Variants in ARHGEF18 observed in about 807,000 individuals in gnomAD.
ARHGEF18 encodes Rho/Rac guanine nucleotide exchange factor 18.
A neutral mutation model predicts 155.7 loss-of-function variants in ARHGEF18; 93 were observed. That is an observed-to-expected ratio of 0.60 (90% confidence interval 0.50 to 0.71). The LOEUF (loss-of-function observed/expected upper bound fraction) is 0.71, where lower values mean the gene tolerates loss of function less well. Among genes scored for constraint, ARHGEF18 ranks in the 30% least tolerant of loss-of-function variants. ARHGEF18 has a pLI of 0.00. For missense variants in ARHGEF18, 1,593 were observed against 1,816.1 expected (o/e 0.88, Z 2.23); for synonymous variants, 742 against 753.1 (o/e 0.99, Z 0.24).
chr19:7,437,690 C>T (rs994368346), intron 10 of ARHGEF18, among the ~76,000 whole-genome samples: 4 of 148,162 alleles, frequency 2.7e-5, no homozygotes, highest in African/African-American at 1.0e-4. Flanking sequence ...GTTGTTCAGG[C>T]TGGAGTGCGG....
chr19:7,361,991 G>C (rs66953087), intron 1 of ARHGEF18, among the ~76,000 whole-genome samples: 6,520 of 79,194 alleles, frequency 0.082, 830 homozygotes, highest in African/African-American at 0.28. Context: ...AAGACTCTGT[G>C]GAAGAAGAAG....
At chr19:7,362,478 G>T (rs1283428903) in intron 1 of ARHGEF18, among the ~76,000 whole-genome samples, 1 of 152,184 alleles carries the variant, frequency 6.6e-6, no homozygotes, top group Admixed American at 6.5e-5. Flanking sequence ...AGCCAACTTG[G>T]ATCACCTGGT....
At chr19:7,426,830 T>C (rs12461568) in intron 10 of ARHGEF18, among the ~76,000 whole-genome samples, 81,215 of 152,008 alleles carry the variant, frequency 0.53, 22,063 homozygotes, top group Middle Eastern at 0.74. Flanking sequence ...GGAGGAAAAG[T>C]GGCGTCGATT....
At chr19:7,382,525 AGG>A (rs1970798129) in intron 8 of ARHGEF18, among the ~76,000 whole-genome samples, 1 of 152,180 alleles carries the variant, frequency 6.6e-6, no homozygotes, top group East Asian at 1.9e-4. Flanking sequence ...CCAGGCATTG[AGG>A]GACCTCAAAC....
chr19:7,352,475 A>G (rs937393022), intron 1 of ARHGEF18, among the ~76,000 whole-genome samples: 24 of 149,172 alleles, frequency 1.6e-4, no homozygotes, highest in African/African-American at 6.0e-4. Flanking sequence ...TCAAATCAAC[A>G]ACTTGTTTGT....
At chr19:7,434,101 T>TA (rs1429508547) in intron 10 of ARHGEF18, among the ~76,000 whole-genome samples, 1 of 151,832 alleles carries the variant, frequency 6.6e-6, no homozygotes, top group African/African-American at 2.4e-5. Flanking sequence ...TGACACCTGT[T>TA]ACGAAAGCTT....
chr19:7,394,984 C>A, intron 10 of ARHGEF18: 2 of 925,868 alleles, frequency 2.2e-6, no homozygotes, highest in Non-Finnish European at 2.6e-6. Context: ...CGAGCCGACG[C>A]CCCCTCACCA....
chr19:7,364,462 C>T (rs904313642), intron 2 of ARHGEF18, among the ~76,000 whole-genome samples: 4 of 151,690 alleles, frequency 2.6e-5, no homozygotes, highest in African/African-American at 4.9e-5. Flanking sequence ...CCTAAGTTCC[C>T]GTCATGGCAG....
At chr19:7,436,411 T>G (rs1477396302) in intron 10 of ARHGEF18, among the ~76,000 whole-genome samples, 1 of 151,994 alleles carries the variant, frequency 6.6e-6, no homozygotes, top group Non-Finnish European at 1.5e-5. Context: ...TGAGTAGCTG[T>G]GATTACAGGT....
At chr19:7,358,271 TTCCATCCATCCA>T (rs144388403) in intron 1 of ARHGEF18, among the ~76,000 whole-genome samples, 1 of 133,334 alleles carries the variant, frequency 7.5e-6, no homozygotes, top group African/African-American at 3.0e-5. Context: ...CCATCCATTC[TTCCATCCATCCA>T]TCCATCCATC....
intron 20 of ARHGEF18, among the ~76,000 whole-genome samples, chr19:7,460,737 A>G (rs1976179920): frequency 6.6e-6 from 1 of 151,784 alleles, no homozygotes; most frequent in African/African-American, 2.4e-5. Flanking sequence ...GGTGCCCTGT[A>G]GCCTGCGGCA....
intron 2 of ARHGEF18, among the ~76,000 whole-genome samples, chr19:7,367,644 A>G (rs1969944522): frequency 6.7e-6 from 1 of 149,638 alleles, no homozygotes; most frequent in Admixed American, 6.8e-5. Context: ...TACTCGGGAG[A>G]CTGAGGCAGG....
At chr19:7,363,529 GAAGA>G (rs1176977531) in intron 2 of ARHGEF18, among the ~76,000 whole-genome samples, 1 of 151,780 alleles carries the variant, frequency 6.6e-6, no homozygotes, top group African/African-American at 2.4e-5. Context: ...TGGAAGGAAG[GAAGA>G]AAGATGAGAA....
intron 16 of ARHGEF18, among the ~76,000 whole-genome samples, chr19:7,452,201 C>G (rs1975524481): frequency 6.6e-6 from 1 of 152,184 alleles, no homozygotes; most frequent in African/African-American, 2.4e-5. Context: ...CCTGGTGGTT[C>G]AAACAGACCC....
chr19:7,467,426 C>T lies in ARHGEF18; in HGVS notation c.3222C>T (p.Arg1074=), dbSNP rs1377931318. The T allele has an allele frequency of 6.5e-7, 1 of 1,531,528 alleles. No homozygotes were observed. Among genetic ancestry groups the T allele is most frequent in the South Asian group, 1.2e-5 (1 of 83,878 alleles). 94.9% of individuals were successfully genotyped at this position (1,531,528 alleles called of 1,614,324 possible). A position where few individuals can be genotyped will look rare whatever the true frequency, so the allele number is the denominator to read the frequency against. ...RHEQQRWERE[R]QWQHQELERA... ...AGCAGCAGCGCTGGGAGCGCGAGCG[C>T]CAGTGGCAGCACCAGGAGCTGGAGC... The change falls in exon 26 of 29, where the codon CGC becomes CGT. Residue 1074 remains arginine, a synonymous_variant. Coordinates refer to ENST00000668164, the MANE Select transcript of ARHGEF18 (RefSeq NM_001367823.1).
chr19:7,444,054 C>G lies in ARHGEF18; in HGVS notation c.1361-150C>G. The G allele has an allele frequency of 9.8e-7, 1 of 1,018,116 alleles. No individual in the cohort carries two copies. Among genetic ancestry groups the G allele is most frequent in the Non-Finnish European group, 1.4e-6 (1 of 705,904 alleles). The allele number at this position is 1,018,116 out of a possible 1,614,324, so 63.1% of individuals were successfully genotyped here. On this transcript the variant is annotated intron_variant, in intron 13 of 28. Coordinates refer to ENST00000668164, the MANE Select transcript of ARHGEF18 (RefSeq NM_001367823.1). This position sits in a 1 kb window ranked among gnomAD's most constrained non-coding sequence, Gnocchi z 4.7. ...CGCAGCATTCTAAACCCTGGACACC[C>G]TGGAAGTAAGAAAGATCCCAAAGGC...
Position 7,376,673 on chromosome 19 carries a change from T to A in ARHGEF18, c.457T>A (p.Ser153Thr), listed in dbSNP as rs1970473796. Residue 153 changes from serine (S) to threonine (T), a missense_variant, in exon 5 of 29, where the codon TCA becomes ACA. Coordinates refer to ENST00000668164, the MANE Select transcript of ARHGEF18 (RefSeq NM_001367823.1). ...TGACAGCCCCAAGAAAAGAGGGAGGTCAAGGTCCGTTCCTGTGTCCTTCTA... is the reference window on the plus strand; with the variant it reads ...TGACAGCCCCAAGAAAAGAGGGAGGACAAGGTCCGTTCCTGTGTCCTTCTA... The part of the protein sequence containing the change: ...ECDSPKKRGR[S>T]RSVPVSFYEI... The A allele has an allele frequency of 4.1e-6, 5 of 1,233,976 alleles. No individual in the cohort carries two copies. The highest frequency in any genetic ancestry group is 5.1e-6 in the Non-Finnish European group (5 of 988,170). 76.4% of individuals were successfully genotyped at this position (1,233,976 alleles called of 1,614,324 possible).
At chr19:7,386,051 C>T (rs1212609470) in intron 10 of ARHGEF18, among the ~76,000 whole-genome samples, 1 of 143,310 alleles carries the variant, frequency 7.0e-6, no homozygotes, top group African/African-American at 2.6e-5. Context: ...TCTCTCCTCC[C>T]CGCCACCCCC....
Position 7,462,100 on chromosome 19 carries a change from A to G in ARHGEF18, c.2453-52A>G. 1 of 1,611,000 alleles carries G rather than the reference A, an allele frequency of 6.2e-7. No homozygotes were observed. Among genetic ancestry groups the G allele is most frequent in the East Asian group, 2.2e-5 (1 of 44,868 alleles). ...TAGGCCAGTCCCCGGGGCTCAGATG[A>G]TTCCAGGGAAGGCCGACCCGGCTGA... On this transcript the variant is annotated intron_variant, in intron 20 of 28. Coordinates refer to ENST00000668164, the MANE Select transcript of ARHGEF18 (RefSeq NM_001367823.1). The surrounding 1 kb of genome is among the most constrained non-coding windows in gnomAD (Gnocchi z 4.4).
Sources: allele counts gnomAD v4.1 joint callset (sites outside exome capture counted in the v4.1 genomes callset), GRCh38; gene constraint gnomAD v4.1.1; non-coding constraint Gnocchi (gnomAD v3.1); transcripts MANE v1.5; gene names NCBI Gene and HGNC (gene_info 2026-07-23, HGNC 2026-07-21).